Variants in GCSH observed in about 807,000 individuals in gnomAD.
The protein encoded by GCSH is glycine cleavage system protein H.
In GCSH, 15 loss-of-function variants were observed where a neutral mutation model predicts 21.3. The observed-to-expected ratio is 0.70, with a 90% CI of 0.47 to 1.08. The LOEUF is 1.08. Among genes scored for constraint, GCSH ranks in the 50% least tolerant of loss-of-function variants. GCSH has a pLI of 0.00. For synonymous variants in GCSH, 59 were observed against 84.5 expected (o/e 0.70, Z 1.66); for missense variants, 179 against 217.5 (o/e 0.82, Z 1.11).
intron 2 of GCSH, among the ~76,000 whole-genome samples, chr16:81,090,035 C>G (rs1016195409): frequency 3.3e-5 from 5 of 152,090 alleles, no homozygotes; most frequent in African/African-American, 1.2e-4. Flanking sequence ...CCACATAATG[C>G]CCTAACTAAA....
rs1316477838 is a variant in GCSH at position 81,096,175 on chromosome 16, A to G, written c.104T>C (p.Val35Ala). Residue 35 changes from valine (V) to alanine (A), a missense_variant, in exon 1 of 5, where the codon GTG (valine) becomes GCG (alanine). Coordinates refer to ENST00000315467, the MANE Select transcript of GCSH (RefSeq NM_004483.5). ...AGTGCGCAGCGTACGGACGGCGCCC[A>G]CCCCCAGCTGCCAGGGCCTCGGCGG... ...PCPPRPWQLG[V>A]GAVRTLRTGP... is the part of the protein sequence containing the mutation. 1 of 1,318,086 alleles carries G rather than the reference A, an allele frequency of 7.6e-7. No homozygotes were observed. Among genetic ancestry groups the G allele is most frequent in the Non-Finnish European group, 9.6e-7 (1 of 1,039,542 alleles). The allele number at this position is 1,318,086 out of a possible 1,614,324, so 81.6% of individuals were successfully genotyped here. A position where few individuals can be genotyped will look rare whatever the true frequency, so the allele number is the denominator to read the frequency against.
At chr16:81,084,079 A>T (rs1972222403) in intron 4 of GCSH, 1 of 322,258 alleles carries the variant, frequency 3.1e-6, no homozygotes, top group Non-Finnish European at 5.8e-6. Flanking sequence ...TCCCAGGTTC[A>T]AGCAATTCTC....
Position 81,096,125 on chromosome 16 carries a change from G to A in GCSH, c.148+6C>T. The A allele has an allele frequency of 8.0e-7, 1 of 1,248,412 alleles. No homozygotes were observed. The highest frequency in any genetic ancestry group is 1.0e-6 in the Non-Finnish European group (1 of 996,456). The allele number at this position is 1,248,412 out of a possible 1,614,324, so 77.3% of individuals were successfully genotyped here. A position where few individuals can be genotyped will look rare whatever the true frequency, so the allele number is the denominator to read the frequency against. ...GAGCAGCCGCCCACGTGCCCGCCGC[G>A]CTTACCCGAGAGCAGAGCGGGTCCA... On this transcript the variant is annotated splice_donor_region_variant and intron_variant, in intron 1 of 4. Transcript: ENST00000315467.
chr16:81,084,287 T>C (rs973099238), intron 4 of GCSH, 176 bp downstream of exon 4: 3 of 677,188 alleles, frequency 4.4e-6, no homozygotes, highest in Middle Eastern at 2.6e-4. Flanking sequence ...CCAGAAATCT[T>C]AAACATAACT....
At position 81,082,383 on chromosome 16, in the gene GCSH, G is replaced by A. The variant is rs1392996299; in HGVS notation, c.*483C>T. ...GCTGTTGCTTCACTGTATAAAAATA[G>A]CACCAGCAAATGCAGTGTATCGCAA... On this transcript the variant is annotated 3_prime_UTR_variant, in exon 5 of 5. Coordinates refer to ENST00000315467, the MANE Select transcript of GCSH (RefSeq NM_004483.5). 1 of 389,362 alleles carries A rather than the reference G, an allele frequency of 2.6e-6. No individual in the cohort carries two copies. The allele number at this position is 389,362 out of a possible 1,614,324, so 24.1% of individuals were successfully genotyped here. A position where few individuals can be genotyped will look rare whatever the true frequency, so the allele number is the denominator to read the frequency against.
intron 1 of GCSH, chr16:81,091,391 ACT>A (rs1334675441): frequency 2.0e-5 from 5 of 244,772 alleles, no homozygotes; most frequent in Admixed American, 1.6e-4. Flanking sequence ...TCTGCTCACC[ACT>A]CACTGGACAG....
Position 81,082,304 on chromosome 16 carries a change from T to G in GCSH, c.*562A>C. The G allele has an allele frequency of 2.3e-6, 1 of 444,296 alleles. No homozygotes were observed. The highest frequency in any genetic ancestry group is 4.5e-6 in the Non-Finnish European group (1 of 221,636). 27.5% of individuals were successfully genotyped at this position (444,296 alleles called of 1,614,324 possible). A position where few individuals can be genotyped will look rare whatever the true frequency, so the allele number is the denominator to read the frequency against. Reference sequence around the variant, plus strand: ...CTAGCAGAGTTACTAAATGAAATATTAACATCAAAACAAACATGATTAACG... The same window carrying G: ...CTAGCAGAGTTACTAAATGAAATATGAACATCAAAACAAACATGATTAACG... On this transcript the variant is annotated 3_prime_UTR_variant, in exon 5 of 5. Coordinates refer to ENST00000315467, the MANE Select transcript of GCSH (RefSeq NM_004483.5).
intron 2 of GCSH, among the ~76,000 whole-genome samples, chr16:81,088,172 C>A (rs1002156107): frequency 2.0e-5 from 3 of 151,984 alleles, no homozygotes; most frequent in African/African-American, 7.2e-5. Context: ...GCCTGTAATC[C>A]CAGCTCTTAG....
intron 1 of GCSH, among the ~76,000 whole-genome samples, chr16:81,092,528 G>A (rs1300336831): frequency 1.3e-5 from 2 of 151,532 alleles, no homozygotes; most frequent in African/African-American, 4.9e-5. Context: ...ATCACCTGAG[G>A]TCCGGGGTTT....
intron 1 of GCSH, among the ~76,000 whole-genome samples, chr16:81,095,595 G>A (rs1445295281): frequency 3.1e-5 from 1 of 32,250 alleles, no homozygotes; most frequent in African/African-American, 7.7e-5. Flanking sequence ...TGTTAGCCAG[G>A]ATAGTCTCGA....
At position 81,094,042 on chromosome 16, in the gene GCSH, G is replaced by A. The variant is rs550874143; in HGVS notation, c.148+2089C>T. ...TCCTCCCAAGGAGCTGGGATTACAAGCACGTGCCACCACGCCCGACTAATT... is the reference window on the plus strand; with the variant it reads ...TCCTCCCAAGGAGCTGGGATTACAAACACGTGCCACCACGCCCGACTAATT... On this transcript the variant is annotated intron_variant, in intron 1 of 4. Coordinates refer to ENST00000315467, the MANE Select transcript of GCSH (RefSeq NM_004483.5). Among the ~76,000 whole-genome samples, 29 of 152,068 alleles carry A rather than the reference G, an allele frequency of 1.9e-4. No homozygotes were observed. The East Asian group carries it at 5.1e-3, about 27-fold the overall frequency.
At chr16:81,085,080 T>C (rs953150720) in intron 3 of GCSH, among the ~76,000 whole-genome samples, 1 of 149,032 alleles carries the variant, frequency 6.7e-6, no homozygotes, top group African/African-American at 2.5e-5. Flanking sequence ...AATGGTGTGT[T>C]CTAGGCTCAC....
intron 4 of GCSH, 28 bp from the exon 5 acceptor site, chr16:81,082,991 C>T: frequency 1.5e-6 from 2 of 1,355,066 alleles, no homozygotes; most frequent in East Asian, 2.3e-5. Flanking sequence ...CCTTATATTC[C>T]ACATTAACTT....
At chr16:81,086,434 G>A (rs1972281289) in intron 3 of GCSH, among the ~76,000 whole-genome samples, 1 of 151,046 alleles carries the variant, frequency 6.6e-6, no homozygotes, top group Admixed American at 6.6e-5. Context: ...GTGCATGCCT[G>A]TACTCCCAGC....
At chr16:81,095,588 T>C (rs1164199833) in intron 1 of GCSH, among the ~76,000 whole-genome samples, 1 of 52,958 alleles carries the variant, frequency 1.9e-5, no homozygotes, top group Non-Finnish European at 4.5e-5. Flanking sequence ...TTCACCGTGT[T>C]AGCCAGGATA....
chr16:81,088,377 C>T (rs764342568), intron 2 of GCSH, among the ~76,000 whole-genome samples: 2 of 152,172 alleles, frequency 1.3e-5, no homozygotes, highest in Non-Finnish European at 2.9e-5. Flanking sequence ...AGCCTCCTGC[C>T]CCACACAAGA....
intron 2 of GCSH, among the ~76,000 whole-genome samples, chr16:81,088,986 G>A (rs768780294): frequency 5.3e-5 from 8 of 152,136 alleles, no homozygotes; most frequent in Non-Finnish European, 8.8e-5. Flanking sequence ...AGGTAAGGAC[G>A]ACATCTTACA....
intron 1 of GCSH, among the ~76,000 whole-genome samples, chr16:81,095,146 G>A (rs1487462265): frequency 6.6e-6 from 1 of 151,770 alleles, no homozygotes; most frequent in African/African-American, 2.4e-5. Context: ...CAATAATTGT[G>A]CTGAAGTAGC....
Position 81,082,889 on chromosome 16 carries a change from A to G in GCSH, c.499T>C (p.Tyr167His). 1 of 1,334,348 alleles carries G rather than the reference A, an allele frequency of 7.5e-7. No homozygotes were observed. The highest frequency in any genetic ancestry group is 1.1e-6 in the Non-Finnish European group (1 of 925,268). 82.7% of individuals were successfully genotyped at this position (1,334,348 alleles called of 1,614,324 possible). A position where few individuals can be genotyped will look rare whatever the true frequency, so the allele number is the denominator to read the frequency against. ...ELMSEEAYEK[Y>H]IKSIEE is the part of the protein sequence containing the mutation. The stretch of plus-strand genomic sequence containing the variant: ...TTTCACTCCTCAATAGATTTTATGT[A>G]TTTCTCATATGCTTCTTCACTCATA... The change falls in exon 5 of 5, where the codon TAC becomes CAC. Residue 167 changes from tyrosine to histidine, a missense_variant. Coordinates refer to ENST00000315467, the MANE Select transcript of GCSH (RefSeq NM_004483.5).
Sources: gnomAD v4.1 joint callset for allele counts (sites outside exome capture counted in the v4.1 genomes callset) on GRCh38, gnomAD v4.1.1 for gene constraint, MANE v1.5 for transcripts, NCBI Gene and HGNC (gene_info 2026-07-23, HGNC 2026-07-21) for gene names.